Variants in SUPT3H observed in about 807,000 individuals in gnomAD.
The protein encoded by SUPT3H is SPT3 homolog, SAGA and STAGA complex component, also known as transcription initiation protein SPT3 homolog.
Under a neutral mutation model 44.3 loss-of-function variants are expected in SUPT3H, and 44 were observed. The ratio of observed to expected loss-of-function variants is 0.99; its 90% confidence interval spans 0.78 to 1.28. The LOEUF is 1.28. Ranked by LOEUF, SUPT3H falls within the 50% of genes most tolerant of loss-of-function variation. The pLI is 0.00. For missense variants in SUPT3H, 380 were observed against 387.1 expected (o/e 0.98, Z 0.15); for synonymous variants, 124 against 125.6 (o/e 0.99, Z 0.09).
At chr6:45,294,733 CAAAAAAAAAAAAAAAA>C (rs56281990) in intron 2 of SUPT3H, among the ~76,000 whole-genome samples, 48 of 36,208 alleles carry the variant, frequency 1.3e-3, no homozygotes, top group African/African-American at 5.3e-3. Flanking sequence ...ACAATAGCTG[CAAAAAAAAAAAAAAAA>C]AAAAAAAAAA....
rs147626046 is a variant in SUPT3H, at chr6:45,007,005, T to C, written c.365-3213A>G. Among the ~76,000 whole-genome samples the C allele has an allele frequency of 3.0e-4, 46 of 152,310 alleles. No individual in the cohort carries two copies. In the East Asian group the frequency reaches 8.7e-3, roughly 29 times the overall value. The stretch of plus-strand genomic sequence containing the variant: ...ATTTGCATTTACTTTCTGCACTTGA[T>C]ATTTGCATATTGTCGAATATGTTTC... On this transcript the variant is annotated intron_variant, in intron 5 of 10. Coordinates refer to ENST00000371459, the MANE Select transcript of SUPT3H (RefSeq NM_003599.4).
chr6:44,866,455 G>A (rs1775520977), intron 10 of SUPT3H, among the ~76,000 whole-genome samples: 2 of 151,152 alleles, frequency 1.3e-5, no homozygotes, highest in African/African-American at 4.9e-5. Context: ...CCATCTCTTA[G>A]GTAATATATA....
intron 10 of SUPT3H, among the ~76,000 whole-genome samples, chr6:44,885,673 G>C (rs1242917367): frequency 6.6e-6 from 1 of 152,240 alleles, no homozygotes; most frequent in African/African-American, 2.4e-5. Context: ...GGAAAAAACA[G>C]AGCAGAAAAA....
At chr6:45,360,629 C>T (rs150370839) in intron 2 of SUPT3H, among the ~76,000 whole-genome samples, 78 of 152,298 alleles carry the variant, frequency 5.1e-4, no homozygotes, top group African/African-American at 1.9e-3. Flanking sequence ...TACCATTTCA[C>T]ATATAAAACA....
At chr6:45,259,924 ATAGT>A (rs1774078622) in intron 2 of SUPT3H, among the ~76,000 whole-genome samples, 1 of 152,180 alleles carries the variant, frequency 6.6e-6, no homozygotes, top group Admixed American at 6.6e-5. Flanking sequence ...TTATCATTAG[ATAGT>A]TCTTTTTCTC....
intron 11 of SUPT3H, among the ~76,000 whole-genome samples, chr6:44,815,227 T>C (rs1766830037): frequency 6.6e-6 from 1 of 152,090 alleles, no homozygotes; most frequent in Admixed American, 6.6e-5. Context: ...ATTTTAAAAA[T>C]AATAAAAAGG....
At position 44,828,307 on chromosome 6, in the gene SUPT3H, C is replaced by T. The variant is rs77016343; in HGVS notation, c.*1509G>A. 6.6e-6 allele frequency among the ~76,000 whole-genome samples: 1 copy of T among 152,114 alleles called. No individual in the cohort carries two copies. Among genetic ancestry groups the T allele is most frequent in the South Asian group, 2.1e-4 (1 of 4,828 alleles). Reference sequence around the variant, plus strand: ...TACATTTTAACAAGCATAGATGGAACATCAAAATCCTTTGGGAATATTTTG... The same window carrying T: ...TACATTTTAACAAGCATAGATGGAATATCAAAATCCTTTGGGAATATTTTG... On this transcript the variant is annotated 3_prime_UTR_variant, in exon 11 of 11. Transcript: ENST00000371459.
chr6:44,995,163 TA>T (rs34853544), intron 6 of SUPT3H, among the ~76,000 whole-genome samples: 51,385 of 151,638 alleles, frequency 0.34, 9,558 homozygotes, highest in Admixed American at 0.41. Context: ...ATAAAACATT[TA>T]AAGGACTAAA....
chr6:45,342,227 T>TG (rs1789932373), intron 2 of SUPT3H, among the ~76,000 whole-genome samples: 1 of 151,760 alleles, frequency 6.6e-6, no homozygotes, highest in Admixed American at 6.6e-5. Context: ...TTGTGCCTAG[T>TG]GAAAAAAAAA....
chr6:45,016,953 C>T (rs561451547), intron 4 of SUPT3H, among the ~76,000 whole-genome samples: 164 of 150,496 alleles, frequency 1.1e-3, no homozygotes, highest in African/African-American at 3.5e-3. Flanking sequence ...AGTTTACAGT[C>T]CCACCAACAG....
chr6:45,019,691 C>A (rs537933943), intron 4 of SUPT3H, among the ~76,000 whole-genome samples: 9 of 151,874 alleles, frequency 5.9e-5, no homozygotes, highest in Non-Finnish European at 1.0e-4. Flanking sequence ...TTGCATCTGG[C>A]GCCTTGTACC....
At chr6:45,282,303 T>C (rs1164589263) in intron 2 of SUPT3H, among the ~76,000 whole-genome samples, 1 of 143,132 alleles carries the variant, frequency 7.0e-6, no homozygotes, top group Non-Finnish European at 1.5e-5. Context: ...CTAAAGGAGG[T>C]TCGAACGCTT....
chr6:45,190,314 T>C (rs1814916199), intron 2 of SUPT3H, among the ~76,000 whole-genome samples: 1 of 152,160 alleles, frequency 6.6e-6, no homozygotes, highest in Non-Finnish European at 1.5e-5. Context: ...GTATTTTAAC[T>C]GCAAACTAAA....
chr6:44,895,032 T>C (rs1763902998), intron 10 of SUPT3H, among the ~76,000 whole-genome samples: 1 of 151,992 alleles, frequency 6.6e-6, no homozygotes. Flanking sequence ...CATCCAGAAA[T>C]GGTAATAACC....
chr6:45,006,556 T>C (rs551969083), intron 5 of SUPT3H, among the ~76,000 whole-genome samples: 1 of 152,068 alleles, frequency 6.6e-6, no homozygotes, highest in Non-Finnish European at 1.5e-5. Context: ...TAGACAACAG[T>C]TTCCATTATT....
intron 2 of SUPT3H, among the ~76,000 whole-genome samples, chr6:45,256,335 C>T (rs915280271): frequency 1.3e-5 from 2 of 152,162 alleles, no homozygotes; most frequent in Non-Finnish European, 2.9e-5. Context: ...GACACCAGTA[C>T]ATTCATTGAT....
chr6:45,284,385 C>A (rs6905959), intron 2 of SUPT3H, among the ~76,000 whole-genome samples: 20,146 of 151,788 alleles, frequency 0.13, 1,553 homozygotes, highest in East Asian at 0.26. Flanking sequence ...GAATCAAATA[C>A]ATGCAATAAA....
chr6:45,076,512 A>AC (rs1393333706), intron 3 of SUPT3H, among the ~76,000 whole-genome samples: 8 of 151,842 alleles, frequency 5.3e-5, no homozygotes, highest in Admixed American at 5.3e-4. Context: ...GAAAAAAAAA[A>AC]AACTAGGGCA....
chr6:45,304,749 C>T (rs1030663823), intron 2 of SUPT3H, among the ~76,000 whole-genome samples: 3 of 6,230 alleles, frequency 4.8e-4, no homozygotes, highest in African/African-American at 1.9e-3. Context: ...CGCAAAGTAA[C>T]CATTTAATGG....
Sources: gnomAD v4.1 joint callset for allele counts (sites outside exome capture counted in the v4.1 genomes callset) on GRCh38, gnomAD v4.1.1 for gene constraint, MANE v1.5 for transcripts, NCBI Gene and HGNC (gene_info 2026-07-23, HGNC 2026-07-21) for gene names.